Variants in IL13RA1 observed in about 807,000 individuals in gnomAD.
IL13RA1 encodes the protein interleukin 13 receptor subunit alpha 1, also known as interleukin-13 receptor subunit alpha-1.
Under a neutral mutation model 33.8 loss-of-function variants are expected in IL13RA1, and 14 were observed. The observed-to-expected ratio is 0.41, with a 90% CI of 0.27 to 0.65. IL13RA1 has a LOEUF of 0.65. Ranked by LOEUF, IL13RA1 falls within the 30% of genes least tolerant of loss-of-function variation. IL13RA1 has a pLI of 0.28. For synonymous variants in IL13RA1, 116 were observed against 115.7 expected (o/e 1.00, Z -0.02); for missense variants, 313 against 327.0 (o/e 0.96, Z 0.33).
chrX:118,790,078 C>T (rs1231425350), intron 10 of IL13RA1, among the ~76,000 whole-genome samples: 1 of 111,839 alleles, frequency 8.9e-6, no homozygotes, highest in Non-Finnish European at 1.9e-5. Context: ...AATTTTGTAA[C>T]CACTGCTCCA....
At chrX:118,757,345 A>G (rs112385799) in intron 4 of IL13RA1, among the ~76,000 whole-genome samples, 208 of 109,763 alleles carry the variant, frequency 1.9e-3, no homozygotes, top group African/African-American at 6.5e-3. Flanking sequence ...CAGCCTGGCC[A>G]ACATGCTGAA....
chrX:118,748,005 TTGTGTGTGTG>T (rs61230421), intron 3 of IL13RA1, among the ~76,000 whole-genome samples: 11 of 88,855 alleles, frequency 1.2e-4, no homozygotes, highest in Admixed American at 6.6e-4. Context: ...AGAGTGAATG[TTGTGTGTGTG>T]TGTGTGTGTG....
chrX:118,763,910 A>G (rs1320204620), intron 6 of IL13RA1, among the ~76,000 whole-genome samples: 1 of 111,877 alleles, frequency 8.9e-6, no homozygotes, highest in Non-Finnish European at 1.9e-5. Context: ...TTCTATTTGG[A>G]ATTAACTCTG....
In IL13RA1 at chrX:118,767,120, T is replaced by G. The variant is rs185148556; in HGVS notation, c.1009+144T>G. 7 of 370,636 alleles carry G rather than the reference T, an allele frequency of 1.9e-5. No individual in the cohort carries two copies. In the East Asian group the frequency reaches 2.3e-4, roughly 12 times the overall value. 30.5% of individuals were successfully genotyped at this position (370,636 alleles called of 1,213,427 possible). A position where few individuals can be genotyped will look rare whatever the true frequency, so the allele number is the denominator to read the frequency against. On this transcript the variant is annotated intron_variant, in intron 8 of 10. Transcript: ENST00000371666. ...TTACAATTGAAATTTATTTTCTTCT[T>G]AATCACTTTCAAACCACCCAGGGTT...
downstream of IL13RA1, among the ~76,000 whole-genome samples, chrX:118,795,211 C>CAAAAAAAAAAAAAAAAAAAAA (rs1222782237): frequency 3.7e-5 from 1 of 26,996 alleles, no homozygotes; most frequent in African/African-American, 1.6e-4. Flanking sequence ...GACTCCGTCT[C>CAAAAAAAAAAAAAAAAAAAAA]AAAAAAAAAA....
chrX:118,771,068 G>A (rs1285159363), intron 8 of IL13RA1, among the ~76,000 whole-genome samples: 1 of 111,830 alleles, frequency 8.9e-6, no homozygotes, highest in Non-Finnish European at 1.9e-5. Flanking sequence ...ACTGCAGAGT[G>A]AAACATCCTT....
At chrX:118,805,154 A>G in the IL13RA1 span, among the ~76,000 whole-genome samples, 2 of 111,954 alleles carry the variant, frequency 1.8e-5, no homozygotes, top group Non-Finnish European at 3.8e-5. Flanking sequence ...TTAGTTGGTC[A>G]GGGAGATGGA....
chrX:118,731,238 G>C (rs2017214195), intron 1 of IL13RA1, among the ~76,000 whole-genome samples: 1 of 111,415 alleles, frequency 9.0e-6, no homozygotes, highest in Non-Finnish European at 1.9e-5. Context: ...AGGGATACTT[G>C]TTCTGTCTCA....
At chrX:118,772,994 A>G (rs1011826365) in intron 8 of IL13RA1, among the ~76,000 whole-genome samples, 2 of 112,299 alleles carry the variant, frequency 1.8e-5, no homozygotes, top group Non-Finnish European at 3.8e-5. Flanking sequence ...ACACTACACA[A>G]TTTTATTATC....
At chrX:118,799,190 C>T (rs1029805927), downstream of IL13RA1, among the ~76,000 whole-genome samples, 2 of 113,454 alleles carry the variant, frequency 1.8e-5, no homozygotes, top group Non-Finnish European at 3.7e-5. Flanking sequence ...AGCTGCCTTC[C>T]CGCGGGGCAG....
intron 4 of IL13RA1, among the ~76,000 whole-genome samples, chrX:118,756,926 T>C (rs73637814): frequency 4.3e-4 from 48 of 110,919 alleles, no homozygotes; most frequent in African/African-American, 1.5e-3. Context: ...ATTACCAGCA[T>C]AGAAACTGTA....
chrX:118,763,635 A>T (rs751276127), intron 6 of IL13RA1, among the ~76,000 whole-genome samples: 2 of 112,304 alleles, frequency 1.8e-5, no homozygotes, highest in Non-Finnish European at 3.8e-5. Context: ...AAACTATTTT[A>T]ACCTACATTT....
At chrX:118,785,267 A>T (rs907850767) in intron 10 of IL13RA1, among the ~76,000 whole-genome samples, 6 of 107,455 alleles carry the variant, frequency 5.6e-5, no homozygotes, top group Non-Finnish European at 1.2e-4. Context: ...GCTAATTTTT[A>T]AATTTTTTTT....
At chrX:118,748,361 G>GGA (rs1556363018) in intron 3 of IL13RA1, among the ~76,000 whole-genome samples, 13,522 of 50,938 alleles carry the variant, frequency 0.27, 1,236 homozygotes, top group East Asian at 0.51. Context: ...AGGAGTTAAC[G>GGA]AAAAAAAAAA....
intron 1 of IL13RA1, 27 bp from the exon 2 acceptor site, chrX:118,740,990 A>ATT: frequency 2.9e-6 from 3 of 1,019,447 alleles, no homozygotes; most frequent in Non-Finnish European, 4.1e-6. Flanking sequence ...TGATAAATTC[A>ATT]TTTTTTTTTG....
chrX:118,759,018 G>A (rs750357718), intron 5 of IL13RA1: 4 of 112,047 alleles, frequency 3.6e-5, no homozygotes, highest in Non-Finnish European at 7.5e-5. Context: ...ATGATCATAT[G>A]TAGTTCCTAA....
At chrX:118,763,801 AATT>A (rs1192213912) in intron 6 of IL13RA1, among the ~76,000 whole-genome samples, 1 of 106,521 alleles carries the variant, frequency 9.4e-6, no homozygotes, top group African/African-American at 3.4e-5. Context: ...TCATTTAATA[AATT>A]ATTATTGAAT....
At position 118,771,517 on chromosome X, in the gene IL13RA1, C is replaced by G. The variant is rs187571904; in HGVS notation, c.1010-2362C>G. ...CCTGTATTCTCTCAAATTTGGAAAT[C>G]ACTACCCTGAACCTGGTTGGGCCTG... On this transcript the variant is annotated intron_variant, in intron 8 of 10. Coordinates refer to ENST00000371666, the MANE Select transcript of IL13RA1 (RefSeq NM_001560.3). Among the ~76,000 whole-genome samples, 3 of 112,455 alleles carry G rather than the reference C, an allele frequency of 2.7e-5. No individual in the cohort carries two copies. In the East Asian group the frequency reaches 8.4e-4, roughly 31 times the overall value.
chrX:118,765,236 T>TA (rs2017634155), intron 6 of IL13RA1, among the ~76,000 whole-genome samples: 1 of 110,038 alleles, frequency 9.1e-6, no homozygotes, highest in South Asian at 3.9e-4. Flanking sequence ...TAGCTGGGAT[T>TA]ACAGGCACAT....
Sources: allele counts gnomAD v4.1 joint callset (sites outside exome capture counted in the v4.1 genomes callset), GRCh38; gene constraint gnomAD v4.1.1; transcripts MANE v1.5; gene names NCBI Gene and HGNC (gene_info 2026-07-23, HGNC 2026-07-21).